Variants in MACROD2 observed in about 807,000 individuals in gnomAD.
MACROD2 encodes ADP-ribose glycohydrolase MACROD2.
A neutral mutation model predicts 70.4 loss-of-function variants in MACROD2; 36 were observed. The observed-to-expected ratio is 0.51, with a 90% CI of 0.39 to 0.68. MACROD2 has a LOEUF of 0.68. Ranked by LOEUF, MACROD2 falls within the 30% of genes least tolerant of loss-of-function variation. The probability of loss-of-function intolerance (pLI) is 0.00; values close to 1 mark genes in which losing one functional copy is unlikely to be tolerated. For synonymous variants in MACROD2, 172 were observed against 178.8 expected (o/e 0.96, Z 0.30); for missense variants, 496 against 538.4 (o/e 0.92, Z 0.78).
chr20:14,360,233 C>T (rs1374454334), intron 3 of MACROD2, among the ~76,000 whole-genome samples: 4 of 152,026 alleles, frequency 2.6e-5, no homozygotes, highest in East Asian at 1.9e-4. Context: ...AAAAATCTAT[C>T]GTATACTTGA....
At chr20:15,853,358 C>CA (rs1166151973) in intron 8 of MACROD2, among the ~76,000 whole-genome samples, 1 of 152,134 alleles carries the variant, frequency 6.6e-6, no homozygotes, top group Non-Finnish European at 1.5e-5. Context: ...ATTCCTAAGT[C>CA]ATGGTGTACA....
intron 8 of MACROD2, among the ~76,000 whole-genome samples, chr20:15,676,580 C>T (rs981697507): frequency 5.3e-5 from 8 of 152,118 alleles, no homozygotes; most frequent in African/African-American, 1.7e-4. Flanking sequence ...AAAACCAGAA[C>T]TCTTGTTACA....
At chr20:15,922,941 A>T (rs192157654) in intron 10 of MACROD2, among the ~76,000 whole-genome samples, 6 of 148,602 alleles carry the variant, frequency 4.0e-5, no homozygotes, top group African/African-American at 1.2e-4. Context: ...TGAAAAGGTA[A>T]ATTCTATACA....
At chr20:14,691,803 C>G (rs1039763428) in intron 5 of MACROD2, among the ~76,000 whole-genome samples, 4 of 152,088 alleles carry the variant, frequency 2.6e-5, no homozygotes, top group African/African-American at 9.7e-5. Flanking sequence ...CTCATGAGCC[C>G]CTTCCATAAT....
intron 8 of MACROD2, among the ~76,000 whole-genome samples, chr20:15,748,993 C>T (rs1350607329): frequency 6.6e-6 from 1 of 152,000 alleles, no homozygotes; most frequent in Non-Finnish European, 1.5e-5. Flanking sequence ...GAATTAGTGA[C>T]AATAAATACA....
At chr20:14,395,900 C>T (rs2083575294) in intron 3 of MACROD2, among the ~76,000 whole-genome samples, 1 of 152,086 alleles carries the variant, frequency 6.6e-6, no homozygotes, top group Admixed American at 6.6e-5. Context: ...TTCCAAGCAT[C>T]TTTCTGTCAT....
chr20:14,027,172 T>TC (rs1263542787), intron 2 of MACROD2, among the ~76,000 whole-genome samples: 1 of 152,172 alleles, frequency 6.6e-6, no homozygotes, highest in African/African-American at 2.4e-5. Context: ...ATTCTTTTTT[T>TC]CTCTCATCTT....
chr20:14,926,444 G>C (rs890903042), intron 5 of MACROD2, among the ~76,000 whole-genome samples: 2 of 151,954 alleles, frequency 1.3e-5, no homozygotes, highest in Non-Finnish European at 2.9e-5. Context: ...CAGCTACTCA[G>C]GAGACTGAGG....
At chr20:15,217,193 G>C (rs571780860) in intron 5 of MACROD2, among the ~76,000 whole-genome samples, 1 of 152,232 alleles carries the variant, frequency 6.6e-6, no homozygotes, top group East Asian at 1.9e-4. Flanking sequence ...AACTTTGAGA[G>C]TATAATGATG....
At chr20:15,714,825 T>C (rs150430292) in intron 8 of MACROD2, among the ~76,000 whole-genome samples, 1 of 152,330 alleles carries the variant, frequency 6.6e-6, no homozygotes, top group South Asian at 2.1e-4. Context: ...ATAAACATGA[T>C]ATAGATATAT....
intron 7 of MACROD2, among the ~76,000 whole-genome samples, chr20:15,470,791 C>A (rs1314291409): frequency 6.6e-6 from 1 of 152,178 alleles, no homozygotes; most frequent in Non-Finnish European, 1.5e-5. Context: ...TCTATTTCAG[C>A]CGCCATCCCA....
intron 7 of MACROD2, among the ~76,000 whole-genome samples, chr20:15,486,900 G>T (rs145118891): frequency 2.2e-4 from 33 of 152,288 alleles, no homozygotes; most frequent in African/African-American, 7.9e-4. Flanking sequence ...ACAGCAAATA[G>T]CATGTATTGT....
At chr20:14,521,067 C>G (rs899931828) in intron 4 of MACROD2, among the ~76,000 whole-genome samples, 1 of 152,238 alleles carries the variant, frequency 6.6e-6, no homozygotes, top group East Asian at 1.9e-4. Flanking sequence ...CACTCCAAAG[C>G]ACAGACTTAA....
At chr20:15,357,869 C>T (rs1320357559) in intron 6 of MACROD2, among the ~76,000 whole-genome samples, 7 of 149,432 alleles carry the variant, frequency 4.7e-5, no homozygotes, top group East Asian at 2.0e-4. Flanking sequence ...TGCAGTGGCG[C>T]GATCTCAGCT....
At chr20:14,361,008 A>G (rs982332236) in intron 3 of MACROD2, among the ~76,000 whole-genome samples, 1 of 152,236 alleles carries the variant, frequency 6.6e-6, no homozygotes, top group Middle Eastern at 3.2e-3. Flanking sequence ...CTTGATGTCA[A>G]AGACCATAAT....
chr20:15,876,109 A>ATATATATATATATATATATATATGTATG lies in MACROD2; in HGVS notation c.728-9652_728-9651insATATATATATATATATATATGTATGTAT, dbSNP rs57817982. On this transcript the variant is annotated intron_variant, in intron 9 of 17. Coordinates refer to ENST00000684519, the MANE Select transcript of MACROD2 (RefSeq NM_001351661.2). ...ATGTCTTTTATATATATATATATAT[A>ATATATATATATATATATATATATGTATG]TATGTGTGTATTTTTTTTATTACAC... 1.3e-3 allele frequency among the ~76,000 whole-genome samples: 158 copies of ATATATATATATATATATATATATGTATG among 124,364 alleles called. 5 individuals are homozygous for ATATATATATATATATATATATATGTATG. The highest frequency in any genetic ancestry group is 3.8e-3 in the African/African-American group (101 of 26,514). The allele number at this position is 124,364 out of a possible 152,430, so 81.6% of individuals were successfully genotyped here. A position where few individuals can be genotyped will look rare whatever the true frequency, so the allele number is the denominator to read the frequency against.
At chr20:15,261,893 TC>T (rs1334098933) in intron 6 of MACROD2, among the ~76,000 whole-genome samples, 1 of 151,936 alleles carries the variant, frequency 6.6e-6, no homozygotes, top group African/African-American at 2.4e-5. Context: ...TTTATTTTTT[TC>T]TTAACATTTA....
At chr20:14,032,456 A>G (rs976564791) in intron 2 of MACROD2, among the ~76,000 whole-genome samples, 20 of 152,272 alleles carry the variant, frequency 1.3e-4, no homozygotes, top group Non-Finnish European at 2.4e-4. Context: ...AACTTTGCCA[A>G]CAAAAGGTAC....
At chr20:15,736,898 T>G (rs1040560537) in intron 8 of MACROD2, among the ~76,000 whole-genome samples, 1 of 152,142 alleles carries the variant, frequency 6.6e-6, no homozygotes, top group African/African-American at 2.4e-5. Flanking sequence ...GTAATAAAAG[T>G]CACAAAAGAT....
Sources: gnomAD v4.1 joint callset for allele counts (sites outside exome capture counted in the v4.1 genomes callset) on GRCh38, gnomAD v4.1.1 for gene constraint, MANE v1.5 for transcripts, NCBI Gene and HGNC (gene_info 2026-07-23, HGNC 2026-07-21) for gene names.